SHPRH: variants seen among roughly 807,000 people sequenced by gnomAD.
SHPRH encodes E3 ubiquitin-protein ligase SHPRH.
Under a neutral mutation model 202.5 loss-of-function variants are expected in SHPRH, and 106 were observed. That is an observed-to-expected ratio of 0.52 (90% CI 0.45 to 0.62). The LOEUF is 0.62. SHPRH is among the 20% of genes least tolerant of loss of function. SHPRH has a pLI of 0.00. For synonymous variants in SHPRH, 729 were observed against 686.0 expected (o/e 1.06, Z -0.98); for missense variants, 1,710 against 2,020.0 (o/e 0.85, Z 2.94).
intron 2 of SHPRH, 43 bp downstream of exon 2, chr6:145,954,647 A>G: frequency 1.3e-6 from 2 of 1,526,552 alleles, no homozygotes; most frequent in Non-Finnish European, 1.8e-6. Context: ...TGGACTGCCA[A>G]TGTAGAAGAG....
In SHPRH at chr6:145,926,248, G is replaced by A. The variant is rs1784868974; in HGVS notation, c.3250C>T (p.Pro1084Ser). 3.1e-6 allele frequency: 5 copies of A among 1,612,790 alleles called. No homozygotes were observed. Among genetic ancestry groups the A allele is most frequent in the Non-Finnish European group, 4.2e-6 (5 of 1,179,206 alleles). ...NLMELLIARH[P>S]GIPPTLRDGR... is the part of the protein sequence containing the mutation. The stretch of plus-strand genomic sequence containing the variant: ...TCACGCAAGGTAGGTGGTATCCCTG[G>A]GTGCCTGGCTATCAACAATTCCATC... Residue 1084 changes from proline to serine, a missense_variant, in exon 16 of 30, where the codon CCA becomes TCA. Physicochemically the swap from Pro to Ser is moderately conservative, Grantham distance 74. Coordinates refer to ENST00000275233, the MANE Select transcript of SHPRH (RefSeq NM_001042683.3).
chr6:145,920,911 G>A (rs538958270), intron 21 of SHPRH, among the ~76,000 whole-genome samples: 16 of 151,930 alleles, frequency 1.1e-4, no homozygotes, highest in African/African-American at 3.4e-4. Flanking sequence ...ACACTTTCAC[G>A]GCTAAACAAA....
downstream of SHPRH, chr6:145,884,533 G>C (rs747996158): frequency 1.4e-4 from 21 of 151,970 alleles, no homozygotes; most frequent in Non-Finnish European, 2.6e-4. Context: ...ACCCATTTAA[G>C]AACAACTACT....
chr6:145,940,454 A>G (rs1476836856), intron 11 of SHPRH, among the ~76,000 whole-genome samples: 4 of 140,598 alleles, frequency 2.8e-5, no homozygotes, highest in Non-Finnish European at 4.5e-5. Context: ...ATTCAGACCT[A>G]TATCTATGCT....
At chr6:145,926,351 A>T in intron 15 of SHPRH, 55 bp from the exon 16 acceptor site, 5 of 1,409,588 alleles carry the variant, frequency 3.5e-6, no homozygotes, top group Non-Finnish European at 5.0e-6. Flanking sequence ...GACTCTGAAG[A>T]GAACCTAATA....
At chr6:145,962,757 TTG>T (rs1444442099) in intron 1 of SHPRH, among the ~76,000 whole-genome samples, 4 of 152,268 alleles carry the variant, frequency 2.6e-5, no homozygotes, top group East Asian at 3.9e-4. Flanking sequence ...GTCCAAAATG[TTG>T]TGTTATGGAA....
chr6:145,878,719 A>G (rs1780419623), intron 2 of SHPRH, among the ~76,000 whole-genome samples: 1 of 152,214 alleles, frequency 6.6e-6, no homozygotes, highest in Non-Finnish European at 1.5e-5. Flanking sequence ...ATACTTTATT[A>G]TTCTGGAGAA....
At chr6:145,930,274 C>T (rs1582733391) in intron 14 of SHPRH, among the ~76,000 whole-genome samples, 2 of 152,212 alleles carry the variant, frequency 1.3e-5, no homozygotes, top group East Asian at 3.9e-4. Context: ...GCACACATTT[C>T]TTTGGGCAAC....
downstream of SHPRH, among the ~76,000 whole-genome samples, chr6:145,861,439 AAGG>A (rs200385531): frequency 0.014 from 2,194 of 152,234 alleles, 21 homozygotes; most frequent in South Asian, 0.027. Context: ...AAAAAAAAAA[AAGG>A]AGAACAAGTG....
intron 24 of SHPRH, 131 bp from the exon 25 acceptor site, chr6:145,910,767 G>A (rs1783421951): frequency 1.1e-6 from 1 of 871,742 alleles, no homozygotes; most frequent in Admixed American, 3.2e-5. Flanking sequence ...ATAAAGCCAA[G>A]TTGTGCCTTC....
At chr6:145,914,632 G>C (rs765913599) in intron 23 of SHPRH, among the ~76,000 whole-genome samples, 1 of 152,126 alleles carries the variant, frequency 6.6e-6, no homozygotes, top group Non-Finnish European at 1.5e-5. Flanking sequence ...AGTTAAAGAA[G>C]TTATAAATTT....
chr6:145,922,111 A>C (rs1404688751), intron 20 of SHPRH, among the ~76,000 whole-genome samples, 175 bp downstream of exon 20: 1 of 152,016 alleles, frequency 6.6e-6, no homozygotes, highest in Non-Finnish European at 1.5e-5. Flanking sequence ...TAACTTCTGG[A>C]TAGGTAAAAC....
At chr6:145,864,586 T>C (rs1188965508) in intron 2 of SHPRH, 3 of 169,126 alleles carry the variant, frequency 1.8e-5, no homozygotes, top group African/African-American at 7.5e-5. Flanking sequence ...TATTTAGCAA[T>C]CTGGTACAAA....
rs1481783411 is a variant in SHPRH at position 145,942,991 on chromosome 6, T to A, written c.2238+152A>T. Reference sequence around the variant, plus strand: ...CATTGTACTGTTCTAGTTCTTAGTCTCAATTTTTTTCTTTAAGCTTTGATT... The same window carrying A: ...CATTGTACTGTTCTAGTTCTTAGTCACAATTTTTTTCTTTAAGCTTTGATT... On this transcript the variant is annotated intron_variant, in intron 9 of 29. Coordinates refer to ENST00000275233, the MANE Select transcript of SHPRH (RefSeq NM_001042683.3). 3.6e-6 allele frequency: 3 copies of A among 840,868 alleles called. No individual in the cohort carries two copies. The East Asian group carries it at 8.1e-5, about 23-fold the overall frequency. The allele number at this position is 840,868 out of a possible 1,614,324, so 52.1% of individuals were successfully genotyped here.
At chr6:145,927,465 T>C (rs1430213115) in intron 14 of SHPRH, 188 bp from the exon 15 acceptor site, 2 of 427,402 alleles carry the variant, frequency 4.7e-6, no homozygotes, top group East Asian at 6.7e-5. Flanking sequence ...GTACAGTTCC[T>C]TTTTTAATTC....
chr6:145,914,282 G>C (rs1220207505), intron 23 of SHPRH, among the ~76,000 whole-genome samples: 1 of 152,074 alleles, frequency 6.6e-6, no homozygotes, highest in Non-Finnish European at 1.5e-5. Flanking sequence ...AAGTAAACTA[G>C]GCTTTTTGAG....
At chr6:145,892,981 T>C (rs1204877929) in intron 28 of SHPRH, among the ~76,000 whole-genome samples, 3 of 151,878 alleles carry the variant, frequency 2.0e-5, no homozygotes, top group Admixed American at 2.0e-4. Context: ...ATTGGGACAA[T>C]TTGGGGGTTT....
intron 24 of SHPRH, among the ~76,000 whole-genome samples, chr6:145,911,307 T>C (rs1005255433): frequency 6.6e-6 from 1 of 152,034 alleles, no homozygotes; most frequent in African/African-American, 2.4e-5. Context: ...CAGCTAATTT[T>C]TGTATTTTTA....
chr6:145,943,871 T>C (rs1404934245), intron 8 of SHPRH, 69 bp from the exon 9 acceptor site: 7 of 1,348,604 alleles, frequency 5.2e-6, no homozygotes, highest in Middle Eastern at 1.9e-4. Context: ...CCTGACTTTA[T>C]GTAAGTACTT....
Sources: allele counts gnomAD v4.1 joint callset (sites outside exome capture counted in the v4.1 genomes callset), GRCh38; gene constraint gnomAD v4.1.1; transcripts MANE v1.5; gene names NCBI Gene and HGNC (gene_info 2026-07-23, HGNC 2026-07-21).